The following MYO10 variants were observed in gnomAD, a reference collection of about 807,000 sequenced individuals.
MYO10 encodes the protein unconventional myosin-X.
MYO10 carries 133 observed loss-of-function variants against 257.3 expected under a neutral mutation model. That is an observed-to-expected ratio of 0.52 (90% CI 0.45 to 0.60). The LOEUF (loss-of-function observed/expected upper bound fraction) is 0.60, where lower values mean the gene tolerates loss of function less well. MYO10 is among the 20% of genes least tolerant of loss of function. MYO10 has a pLI of 0.00. For synonymous variants in MYO10, 1,104 were observed against 1,028.6 expected, an observed-to-expected ratio of 1.07 and a Z score of -1.40; for missense variants, 2,399 against 2,635.7, an observed-to-expected ratio of 0.91 and a Z score of 1.97.
intron 2 of MYO10, among the ~76,000 whole-genome samples, chr5:16,855,581 T>C (rs144940514): frequency 6.6e-6 from 1 of 152,346 alleles, no homozygotes; most frequent in African/African-American, 2.4e-5. Flanking sequence ...GGAAGGAAAT[T>C]AGGTTAATCG....
At chr5:16,756,970 T>C (rs986967699) in intron 18 of MYO10, among the ~76,000 whole-genome samples, 1 of 151,540 alleles carries the variant, frequency 6.6e-6, no homozygotes, top group Admixed American at 6.6e-5. Context: ...GTATGAAAAA[T>C]TAGCCATGCG....
intron 3 of MYO10, among the ~76,000 whole-genome samples, chr5:16,816,731 A>AT (rs1186080230): frequency 6.6e-6 from 1 of 151,496 alleles, no homozygotes; most frequent in Non-Finnish European, 1.5e-5. Flanking sequence ...GGGATTCACC[A>AT]TGTTGGCCAG....
intron 19 of MYO10, chr5:16,742,218 C>T (rs1000180118): frequency 1.0e-6 from 1 of 985,368 alleles, no homozygotes; most frequent in Non-Finnish European, 1.2e-6. Flanking sequence ...ACAAGAACAG[C>T]ACTCTTTGCT....
intron 1 of MYO10, among the ~76,000 whole-genome samples, chr5:16,928,402 C>T (rs1427569925): frequency 1.3e-5 from 2 of 152,114 alleles, no homozygotes; most frequent in African/African-American, 4.8e-5. Context: ...CTATGTTGCC[C>T]AGGCTGGTCT....
chr5:16,887,771 G>T (rs1418970222), intron 1 of MYO10, among the ~76,000 whole-genome samples: 1 of 152,136 alleles, frequency 6.6e-6, no homozygotes, highest in Non-Finnish European at 1.5e-5. Context: ...GATTACAGAC[G>T]TGAGCCACCA....
chr5:16,684,603 A>C (rs1050485495), intron 29 of MYO10, among the ~76,000 whole-genome samples: 4 of 152,156 alleles, frequency 2.6e-5, no homozygotes, highest in Non-Finnish European at 5.9e-5. Flanking sequence ...CAATAGTACA[A>C]ATTTCCTGAT....
chr5:16,797,383 G>T (rs1462329448), intron 3 of MYO10, among the ~76,000 whole-genome samples: 1 of 152,106 alleles, frequency 6.6e-6, no homozygotes, highest in Admixed American at 6.6e-5. Context: ...ACTCAACCTG[G>T]AATGTGTTTT....
intron 4 of MYO10, among the ~76,000 whole-genome samples, chr5:16,787,584 G>A (rs1459166474): frequency 1.5e-5 from 2 of 133,570 alleles, no homozygotes; most frequent in Admixed American, 8.1e-5. Flanking sequence ...TAACCAAAAG[G>A]AGCTTATATT....
intron 1 of MYO10, among the ~76,000 whole-genome samples, chr5:16,896,967 A>T (rs1561046113): frequency 6.6e-6 from 1 of 152,072 alleles, no homozygotes; most frequent in Non-Finnish European, 1.5e-5. Flanking sequence ...AGAGAGAAGG[A>T]AAAGAAAGGA....
intron 4 of MYO10, among the ~76,000 whole-genome samples, chr5:16,792,130 C>CAGAGAGAGAG (rs1411093853): frequency 1.2e-5 from 1 of 80,608 alleles, no homozygotes; most frequent in African/African-American, 3.4e-5. Flanking sequence ...CACACACACA[C>CAGAGAGAGAG]ACAGAGAGAG....
intron 2 of MYO10, among the ~76,000 whole-genome samples, chr5:16,841,543 G>A (rs1743481706): frequency 6.6e-6 from 1 of 152,094 alleles, no homozygotes; most frequent in African/African-American, 2.4e-5. Context: ...AGCATGAAAC[G>A]GCAAAGCTGG....
intron 28 of MYO10, among the ~76,000 whole-genome samples, chr5:16,686,556 G>C (rs1419888675): frequency 6.6e-6 from 1 of 150,916 alleles, no homozygotes; most frequent in Non-Finnish European, 1.5e-5. Flanking sequence ...TTTTTTATGA[G>C]ATGGAATGTG....
chr5:16,786,299 G>T (rs1231203274), intron 4 of MYO10, among the ~76,000 whole-genome samples: 1 of 152,084 alleles, frequency 6.6e-6, no homozygotes, highest in African/African-American at 2.4e-5. Context: ...GAAAACCCAG[G>T]ATTCTCGTCG....
At chr5:16,738,181 C>A in intron 19 of MYO10, 3 of 985,382 alleles carry the variant, frequency 3.0e-6, no homozygotes, top group Non-Finnish European at 2.4e-6. Flanking sequence ...TTTTGGAGCC[C>A]AGCGAGTGAG....
intron 4 of MYO10, among the ~76,000 whole-genome samples, chr5:16,786,194 C>A (rs910078019): frequency 6.6e-6 from 1 of 152,094 alleles, no homozygotes; most frequent in African/African-American, 2.4e-5. Context: ...GTCATAGCAG[C>A]CAGCCTACCT....
chr5:16,725,168 C>A (rs1374730800), intron 19 of MYO10, among the ~76,000 whole-genome samples: 2 of 141,806 alleles, frequency 1.4e-5, no homozygotes, highest in African/African-American at 5.1e-5. Flanking sequence ...CTCACTGCAA[C>A]CTCAGCCTCC....
chr5:16,698,628 T>G (rs975117668), intron 26 of MYO10, among the ~76,000 whole-genome samples: 3 of 139,414 alleles, frequency 2.2e-5, no homozygotes, highest in Non-Finnish European at 4.6e-5. Context: ...ATGCAGTTTT[T>G]TTTTTTTTTT....
At chr5:16,862,399 C>G (rs1047832471) in intron 2 of MYO10, among the ~76,000 whole-genome samples, 2 of 152,166 alleles carry the variant, frequency 1.3e-5, no homozygotes, top group Admixed American at 1.3e-4. Context: ...GCAACTCATT[C>G]ACAGACAGAC....
intron 2 of MYO10, among the ~76,000 whole-genome samples, chr5:16,848,175 T>C (rs10214035): frequency 6.7e-5 from 10 of 148,712 alleles, no homozygotes; most frequent in African/African-American, 2.5e-4. Flanking sequence ...TTTTTTTTTG[T>C]GAGAGAGAGT....
Sources: allele counts gnomAD v4.1 joint callset (sites outside exome capture counted in the v4.1 genomes callset), GRCh38; gene constraint gnomAD v4.1.1; transcripts MANE v1.5; gene names NCBI Gene and HGNC (gene_info 2026-07-23, HGNC 2026-07-21).